The following FER1L6 variants were observed in gnomAD, a reference collection of about 807,000 sequenced individuals.
The protein encoded by FER1L6 is fer-1-like protein 6.
FER1L6 carries 177 observed loss-of-function variants against 219.2 expected under a neutral mutation model. The observed-to-expected ratio is 0.81, with a 90% CI of 0.71 to 0.91. The LOEUF (loss-of-function observed/expected upper bound fraction) is 0.91. FER1L6 is among the 40% of genes least tolerant of loss of function. The probability of loss-of-function intolerance (pLI) is 0.00; values close to 1 mark genes in which losing one functional copy is unlikely to be tolerated. For synonymous variants in FER1L6, 768 were observed against 824.3 expected, an observed-to-expected ratio of 0.93 and a Z score of 1.17; for missense variants, 2,153 against 2,259.9, an observed-to-expected ratio of 0.95 and a Z score of 0.96.
chr8:124,019,097 A>G (rs1284121374), intron 16 of FER1L6, among the ~76,000 whole-genome samples: 1 of 152,172 alleles, frequency 6.6e-6, no homozygotes, highest in Non-Finnish European at 1.5e-5. Flanking sequence ...TAAAAAAATC[A>G]CTGGGTTATC....
chr8:123,857,894 C>A (rs1816677167), intron 1 of FER1L6, among the ~76,000 whole-genome samples: 1 of 152,330 alleles, frequency 6.6e-6, no homozygotes, highest in African/African-American at 2.4e-5. Context: ...CTCCTGGGGA[C>A]TGATAAACTC....
intron 28 of FER1L6, 28 bp downstream of exon 28, chr8:124,067,834 C>G: frequency 6.3e-7 from 1 of 1,594,708 alleles, no homozygotes; most frequent in Non-Finnish European, 8.6e-7. Flanking sequence ...GGACATTTGT[C>G]CATAGAATAG....
At chr8:124,055,540 A>C (rs1170857742) in intron 22 of FER1L6, among the ~76,000 whole-genome samples, 1 of 152,082 alleles carries the variant, frequency 6.6e-6, no homozygotes. Context: ...CTTCTTTTCC[A>C]TTCTCCATAC....
chr8:124,081,079 C>G (rs905750614), intron 32 of FER1L6, among the ~76,000 whole-genome samples: 11 of 152,264 alleles, frequency 7.2e-5, no homozygotes, highest in African/African-American at 2.6e-4. Context: ...TTAAGTGGAT[C>G]TGACCATGAG....
chr8:124,064,069 A>G (rs1346677092), intron 25 of FER1L6, among the ~76,000 whole-genome samples: 1 of 152,150 alleles, frequency 6.6e-6, no homozygotes, highest in African/African-American at 2.4e-5. Flanking sequence ...AATCCCAATG[A>G]CCACAATTGA....
chr8:123,974,607 G>T (rs181275354), intron 7 of FER1L6, among the ~76,000 whole-genome samples: 7 of 137,592 alleles, frequency 5.1e-5, no homozygotes, highest in Non-Finnish European at 7.6e-5. Context: ...TTGCTCTCCA[G>T]CTTGGGCATT....
intron 33 of FER1L6, among the ~76,000 whole-genome samples, chr8:124,083,480 C>G (rs1343395135): frequency 6.6e-6 from 1 of 152,086 alleles, no homozygotes; most frequent in Non-Finnish European, 1.5e-5. Flanking sequence ...ATTGAAGAGA[C>G]TGTCCTTTCT....
Position 124,066,122 on chromosome 8 carries a change from G to A in FER1L6, c.3556-306G>A, listed in dbSNP as rs139029719. Among the ~76,000 whole-genome samples, 222 of 152,290 alleles carry A rather than the reference G, an allele frequency of 1.5e-3. 1 individual carries two copies. The highest frequency in any genetic ancestry group is 5.0e-3 in the African/African-American group (208 of 41,560). Reference sequence around the variant, plus strand: ...GCATCATGTAGTGTAGTTCTCATTTGTTGCATGCCTAGCTCCTGTACTGTA... The same window carrying A: ...GCATCATGTAGTGTAGTTCTCATTTATTGCATGCCTAGCTCCTGTACTGTA... On this transcript the variant is annotated intron_variant, in intron 26 of 40. Coordinates refer to ENST00000522917, the MANE Select transcript of FER1L6 (RefSeq NM_001039112.2).
chr8:124,049,577 A>G (rs1478138207), intron 21 of FER1L6, 30 bp from the exon 22 acceptor site: 1 of 1,612,384 alleles, frequency 6.2e-7, no homozygotes, highest in Non-Finnish European at 8.5e-7. Context: ...AATGATCAGG[A>G]AATACAAACT....
chr8:124,076,270 GA>G lies in FER1L6; in HGVS notation c.4168del (p.Ile1390SerfsTer12), dbSNP rs753826623. The G allele has an allele frequency of 1.2e-5, 20 of 1,613,942 alleles. No individual in the cohort carries two copies. Among genetic ancestry groups the G allele is most frequent in the Admixed American group, 1.7e-5 (1 of 60,002 alleles). ...PYIVIKLGKT[E>X]IKDRDKYIPK... ...CATTGTGATCAAGCTTGGCAAGACA[GA>G]AATCAAAGACCGGGATAAATACATC... On this transcript the variant is annotated frameshift_variant, in exon 32 of 41. Transcript: ENST00000522917. LOFTEE classifies it high-confidence loss of function.
intron 22 of FER1L6, among the ~76,000 whole-genome samples, chr8:124,054,864 T>C (rs1288336482): frequency 2.0e-5 from 3 of 152,182 alleles, no homozygotes; most frequent in Non-Finnish European, 2.9e-5. Context: ...GAGAGGACTC[T>C]CGGCACAATG....
At chr8:124,114,304 T>C (rs1267752818) in intron 39 of FER1L6, among the ~76,000 whole-genome samples, 1 of 151,368 alleles carries the variant, frequency 6.6e-6, no homozygotes, top group Non-Finnish European at 1.5e-5. Context: ...GGTATAAGAG[T>C]CATCTCTAAT....
chr8:124,004,671 C>T (rs1817578172), intron 13 of FER1L6, among the ~76,000 whole-genome samples: 1 of 152,108 alleles, frequency 6.6e-6, no homozygotes, highest in Non-Finnish European at 1.5e-5. Context: ...TCTCAGCCCA[C>T]CATTCTGAGT....
intron 1 of FER1L6, among the ~76,000 whole-genome samples, chr8:123,854,121 C>T (rs1325047120): frequency 6.6e-6 from 1 of 152,170 alleles, no homozygotes; most frequent in African/African-American, 2.4e-5. Context: ...AGGACAGTTA[C>T]GGCTCCAACA....
chr8:124,034,456 C>T (rs1306541351), intron 18 of FER1L6, among the ~76,000 whole-genome samples: 1 of 152,226 alleles, frequency 6.6e-6, no homozygotes, highest in Non-Finnish European at 1.5e-5. Flanking sequence ...TACATAAGTA[C>T]ATGCACACAC....
At chr8:124,115,540 G>A (rs1226228184) in intron 39 of FER1L6, among the ~76,000 whole-genome samples, 1 of 151,994 alleles carries the variant, frequency 6.6e-6, no homozygotes, top group Non-Finnish European at 1.5e-5. Flanking sequence ...TCTTTGCATT[G>A]ATTTTCCTAT....
intron 16 of FER1L6, 111 bp downstream of exon 16, chr8:124,017,829 G>A (rs1818268505): frequency 1.3e-6 from 1 of 749,320 alleles, no homozygotes; most frequent in Non-Finnish European, 2.2e-6. Context: ...TACATTTTTG[G>A]GATGCAGAGA....
intron 5 of FER1L6, among the ~76,000 whole-genome samples, chr8:123,967,794 A>G (rs978647531): frequency 1.6e-4 from 25 of 152,122 alleles, no homozygotes; most frequent in African/African-American, 5.8e-4. Flanking sequence ...CATCTCTACT[A>G]AAAATACAAA....
chr8:123,980,631 A>G lies in FER1L6; in HGVS notation c.1230A>G (p.Ala410=), dbSNP rs1816280961. The G allele has an allele frequency of 6.2e-7, 1 of 1,614,062 alleles. No homozygotes were observed. The highest frequency in any genetic ancestry group is 1.3e-5 in the African/African-American group (1 of 74,924). Residue 410 remains alanine, a synonymous_variant, in exon 11 of 41, where the codon GCA becomes GCG. Coordinates refer to ENST00000522917, the MANE Select transcript of FER1L6 (RefSeq NM_001039112.2). ...CTGTGGAAATCCTCTCAGGACGGGCACAGGAATCTAAATTTTCCAAGGCCC... is the reference window on the plus strand; with the variant it reads ...CTGTGGAAATCCTCTCAGGACGGGCGCAGGAATCTAAATTTTCCAAGGCCC... The part of the protein sequence containing the change: ...EIAVEILSGR[A]QESKFSKALK...
Sources: gnomAD v4.1 joint callset for allele counts (sites outside exome capture counted in the v4.1 genomes callset) on GRCh38, gnomAD v4.1.1 for gene constraint, MANE v1.5 for transcripts, NCBI Gene and HGNC (gene_info 2026-07-23, HGNC 2026-07-21) for gene names.